Variants in WWC1 observed in about 807,000 individuals in gnomAD.
WWC1 encodes WW and C2 domain containing 1, also known as protein KIBRA.
In WWC1, 55 loss-of-function variants were observed where a neutral mutation model predicts 138.4. The observed-to-expected ratio is 0.40, with a 90% CI of 0.32 to 0.50. The LOEUF (loss-of-function observed/expected upper bound fraction) is 0.50. Among genes scored for constraint, WWC1 ranks in the 20% least tolerant of loss-of-function variants. The probability of loss-of-function intolerance (pLI) is 0.72; values close to 1 mark genes in which losing one functional copy is unlikely to be tolerated. For missense variants in WWC1, 1,226 were observed against 1,420.4 expected (o/e 0.86, Z 2.20); for synonymous variants, 524 against 564.9 (o/e 0.93, Z 1.03).
At chr5:168,372,312 CT>C (rs1424139703) in intron 2 of WWC1, among the ~76,000 whole-genome samples, 1 of 152,154 alleles carries the variant, frequency 6.6e-6, no homozygotes, top group Non-Finnish European at 1.5e-5. Flanking sequence ...TGAGCACCCT[CT>C]TGGCCAAGAC....
At chr5:168,376,503 G>A (rs906045362) in intron 2 of WWC1, among the ~76,000 whole-genome samples, 8 of 152,188 alleles carry the variant, frequency 5.3e-5, no homozygotes, top group African/African-American at 1.7e-4. Flanking sequence ...TCTCTTCGCT[G>A]ATGATTTGAT....
intron 22 of WWC1, 75 bp from the exon 23 acceptor site, chr5:168,468,876 A>G: frequency 6.5e-7 from 1 of 1,535,808 alleles, no homozygotes; most frequent in Non-Finnish European, 9.0e-7. Context: ...TCCCACGACA[A>G]AGAATTATCC....
At chr5:168,396,279 A>T (rs1348546452) in intron 3 of WWC1, among the ~76,000 whole-genome samples, 1 of 152,246 alleles carries the variant, frequency 6.6e-6, no homozygotes, top group African/African-American at 2.4e-5. Context: ...GCTACTCAGG[A>T]GGCTGAGACA....
chr5:168,387,996 A>G (rs1002267071), intron 3 of WWC1, among the ~76,000 whole-genome samples: 2 of 152,200 alleles, frequency 1.3e-5, no homozygotes, highest in Non-Finnish European at 2.9e-5. Context: ...TTTGGGGGAC[A>G]GGATATTTAC....
chr5:168,440,949 C>T (rs1442082514), intron 15 of WWC1, among the ~76,000 whole-genome samples: 2 of 152,178 alleles, frequency 1.3e-5, no homozygotes, highest in African/African-American at 2.4e-5. Context: ...CATACCCATA[C>T]AGTGGAATAT....
rs775024939 is a variant in WWC1 at position 168,292,226 on chromosome 5, T to A, written c.74T>A (p.Ile25Lys). Residue 25 changes from isoleucine to lysine, a missense_variant, in exon 1 of 23, where the codon ATA becomes AAA. Transcript: ENST00000265293. The surrounding 1 kb of genome is among the most constrained non-coding windows in gnomAD (Gnocchi z 4.4). Reference protein sequence around the residue: ...ARDFDGKVYYIDHTNRTTSWI... With the variant: ...ARDFDGKVYYKDHTNRTTSWI... ...GACTTCGACGGCAAGGTCTACTACATAGACCACACGAACCGCACCACCAGC... is the reference window on the plus strand; with the variant it reads ...GACTTCGACGGCAAGGTCTACTACAAAGACCACACGAACCGCACCACCAGC... The A allele has an allele frequency of 6.3e-7, 1 of 1,590,186 alleles. No individual in the cohort carries two copies. The highest frequency in any genetic ancestry group is 8.6e-7 in the Non-Finnish European group (1 of 1,168,892).
intron 1 of WWC1, among the ~76,000 whole-genome samples, chr5:168,325,388 T>G (rs1053283799): frequency 3.9e-5 from 6 of 152,214 alleles, no homozygotes; most frequent in Non-Finnish European, 8.8e-5. Flanking sequence ...CTCTGGGAAC[T>G]CTGGGTGTCC....
chr5:168,417,982 A>G (rs10061148), intron 9 of WWC1, among the ~76,000 whole-genome samples: 65,973 of 151,984 alleles, frequency 0.43, 15,771 homozygotes, highest in East Asian at 0.77. Flanking sequence ...CTTCTGACTC[A>G]TATTCTGTTT....
rs773823599 is a variant in WWC1, at chr5:168,468,961, G to A, written c.3286G>A (p.Ala1096Thr). Residue 1096 changes from alanine to threonine, a missense_variant, in exon 23 of 23, where the codon GCA (alanine) becomes ACA (threonine). Ala to Thr is a moderately conservative substitution (Grantham distance 58, BLOSUM62 0). Coordinates refer to ENST00000265293, the MANE Select transcript of WWC1 (RefSeq NM_015238.3). ...PEVQSFREKM[A>T]FFTRPRMNIP... ...TGGCCTCTCTTATAGGGAGAAGATG[G>A]CATTTTTCACCCGGCCTCGGATGAA... 29 of 1,614,110 alleles carry A rather than the reference G, an allele frequency of 1.8e-5. No individual in the cohort carries two copies. Among genetic ancestry groups the A allele is most frequent in the Non-Finnish European group, 2.3e-5 (27 of 1,180,046 alleles).
At chr5:168,379,906 G>A (rs1464909202) in intron 2 of WWC1, among the ~76,000 whole-genome samples, 1 of 152,138 alleles carries the variant, frequency 6.6e-6, no homozygotes, top group East Asian at 1.9e-4. Flanking sequence ...AAAACATCTA[G>A]AAGAAAACAT....
chr5:168,312,182 A>G (rs1771160241), intron 1 of WWC1, among the ~76,000 whole-genome samples: 1 of 151,796 alleles, frequency 6.6e-6, no homozygotes, highest in Non-Finnish European at 1.5e-5. Context: ...GCACCATTAC[A>G]CTCTAGCCTG....
chr5:168,311,488 A>G (rs1771078584), intron 1 of WWC1, among the ~76,000 whole-genome samples: 1 of 152,172 alleles, frequency 6.6e-6, no homozygotes, highest in African/African-American at 2.4e-5. Context: ...CTCATTTATG[A>G]GTCAGTTCTG....
At chr5:168,386,093 C>T (rs753108884) in intron 3 of WWC1, among the ~76,000 whole-genome samples, 10 of 152,020 alleles carry the variant, frequency 6.6e-5, no homozygotes, top group Non-Finnish European at 1.2e-4. Flanking sequence ...TGCTTTGTCA[C>T]GCATCCATTT....
intron 5 of WWC1, among the ~76,000 whole-genome samples, chr5:168,399,908 C>T (rs762233924): frequency 2.0e-5 from 3 of 152,170 alleles, no homozygotes; most frequent in Non-Finnish European, 4.4e-5. Flanking sequence ...CATCTCTAGT[C>T]AATCCAGTAG....
intron 9 of WWC1, among the ~76,000 whole-genome samples, chr5:168,417,387 G>C (rs974483489): frequency 2.6e-5 from 4 of 152,038 alleles, no homozygotes; most frequent in African/African-American, 9.7e-5. Context: ...GGCTCTTAGG[G>C]ACCCCTAGGA....
intron 21 of WWC1, among the ~76,000 whole-genome samples, chr5:168,466,848 G>T (rs892015437): frequency 2.6e-5 from 4 of 151,552 alleles, no homozygotes; most frequent in African/African-American, 9.7e-5. Flanking sequence ...GATCTTATTC[G>T]AAAGACTGAG....
intron 17 of WWC1, among the ~76,000 whole-genome samples, chr5:168,447,342 G>A (rs542461984): frequency 3.3e-5 from 5 of 152,138 alleles, no homozygotes; most frequent in Non-Finnish European, 5.9e-5. Context: ...TCTGGAGAGG[G>A]CCAGATGGTA....
chr5:168,456,092 G>T (rs1738455359), intron 19 of WWC1, among the ~76,000 whole-genome samples: 1 of 152,116 alleles, frequency 6.6e-6, no homozygotes. Context: ...TTGAGGCCAG[G>T]AGTTTAAAAC....
chr5:168,371,022 G>A (rs1217188005), intron 1 of WWC1, among the ~76,000 whole-genome samples: 2 of 152,224 alleles, frequency 1.3e-5, no homozygotes, highest in Admixed American at 1.3e-4. Context: ...GAGGTGGGGT[G>A]GCTGAGTGCG....
Sources: allele counts gnomAD v4.1 joint callset (sites outside exome capture counted in the v4.1 genomes callset), GRCh38; gene constraint gnomAD v4.1.1; non-coding constraint Gnocchi (gnomAD v3.1); transcripts MANE v1.5; gene names NCBI Gene and HGNC (gene_info 2026-07-23, HGNC 2026-07-21).